The following TBC1D1 variants were observed in gnomAD, a reference collection of about 807,000 sequenced individuals.
TBC1D1 encodes the protein TBC1 (tre-2/USP6, BUB2, cdc16) domain family, member 1.
TBC1D1 carries 89 observed loss-of-function variants against 125.6 expected under a neutral mutation model. The ratio of observed to expected loss-of-function variants is 0.71; its 90% CI spans 0.60 to 0.85. The LOEUF is 0.85. Among genes scored for constraint, TBC1D1 ranks in the 40% least tolerant of loss-of-function variants. TBC1D1 has a pLI of 0.00. For missense variants in TBC1D1, 1,377 were observed against 1,469.2 expected (o/e 0.94, Z 1.03); for synonymous variants, 565 against 564.1 (o/e 1.00, Z -0.02).
intron 2 of TBC1D1, chr4:37,960,603 C>T: frequency 6.2e-7 from 1 of 1,613,782 alleles, no homozygotes; most frequent in Non-Finnish European, 8.5e-7. Flanking sequence ...ATCAGCCTTA[C>T]CTAAAGCTAC....
At chr4:38,126,836 C>T (rs1465728957) in intron 18 of TBC1D1, among the ~76,000 whole-genome samples, 1 of 152,132 alleles carries the variant, frequency 6.6e-6, no homozygotes, top group African/African-American at 2.4e-5. Flanking sequence ...AAACTCAAGT[C>T]CCTCCCACCT....
At chr4:37,899,789 C>A (rs929964142) in intron 1 of TBC1D1, among the ~76,000 whole-genome samples, 1 of 152,182 alleles carries the variant, frequency 6.6e-6, no homozygotes, top group Non-Finnish European at 1.5e-5. Flanking sequence ...TGGAAAGAAA[C>A]AACCAGAAAG....
chr4:38,075,913 T>C (rs1041070762), intron 12 of TBC1D1, among the ~76,000 whole-genome samples: 5 of 152,222 alleles, frequency 3.3e-5, no homozygotes, highest in African/African-American at 1.2e-4. Context: ...TTTTTTTCCC[T>C]TGGTCACATG....
intron 2 of TBC1D1, among the ~76,000 whole-genome samples, chr4:37,956,387 AG>A (rs1728939396): frequency 6.6e-6 from 1 of 152,170 alleles, no homozygotes; most frequent in Admixed American, 6.5e-5. Flanking sequence ...TCTTTTCACT[AG>A]GATGTAAGTT....
At chr4:37,968,674 A>T (rs1731491847) in intron 2 of TBC1D1, among the ~76,000 whole-genome samples, 1 of 152,214 alleles carries the variant, frequency 6.6e-6, no homozygotes, top group Non-Finnish European at 1.5e-5. Context: ...TGCTCTGAAG[A>T]CGGTCTTCAA....
chr4:38,095,133 CA>C (rs1341373985), intron 13 of TBC1D1, among the ~76,000 whole-genome samples: 1 of 152,002 alleles, frequency 6.6e-6, no homozygotes, highest in Admixed American at 6.6e-5. Flanking sequence ...GATGGAAAAC[CA>C]TAAAAGCTGA....
At chr4:38,121,653 A>T (rs981120390) in intron 17 of TBC1D1, among the ~76,000 whole-genome samples, 1 of 152,190 alleles carries the variant, frequency 6.6e-6, no homozygotes, top group East Asian at 1.9e-4. Context: ...AGGTTTTCAA[A>T]TGCAGGACAT....
chr4:37,960,869 T>C (rs1226644591), intron 2 of TBC1D1: 2 of 1,614,154 alleles, frequency 1.2e-6, no homozygotes, highest in South Asian at 2.2e-5. Flanking sequence ...GTGGAGTGCC[T>C]CTCATGATCC....
chr4:38,065,742 T>C (rs1753616015), intron 12 of TBC1D1, among the ~76,000 whole-genome samples: 1 of 149,784 alleles, frequency 6.7e-6, no homozygotes, highest in Non-Finnish European at 1.5e-5. Flanking sequence ...ACCTCCCAGG[T>C]TCAAGCTATT....
chr4:38,073,632 A>G (rs16994179), intron 12 of TBC1D1, among the ~76,000 whole-genome samples: 14,250 of 152,138 alleles, frequency 0.094, 1,651 homozygotes, highest in African/African-American at 0.28. Flanking sequence ...AACTTAAATC[A>G]TGGCCCTTCC....
intron 2 of TBC1D1, among the ~76,000 whole-genome samples, chr4:37,923,933 G>A (rs1164451666): frequency 6.6e-6 from 1 of 152,062 alleles, no homozygotes; most frequent in Non-Finnish European, 1.5e-5. Flanking sequence ...ACCCACCTAG[G>A]CCTCCGAAAG....
At chr4:38,083,374 G>A (rs115322761) in intron 12 of TBC1D1, among the ~76,000 whole-genome samples, 8 of 152,320 alleles carry the variant, frequency 5.3e-5, no homozygotes, top group Non-Finnish European at 8.8e-5. Flanking sequence ...GTCATTATCA[G>A]TGATGAGTTA....
At position 37,902,485 on chromosome 4, in the gene TBC1D1, T is replaced by C; in HGVS notation, c.390T>C (p.Tyr130=). ...CTGTCCACCGGCAGAGTATCTGCTA[T>C]GTGTTCAAAGCCGATGATCAAACAA... Residue 130 remains tyrosine, a synonymous_variant, in exon 2 of 20, where the codon TAT becomes TAC. Coordinates refer to ENST00000261439, the MANE Select transcript of TBC1D1 (RefSeq NM_015173.4). 1.2e-6 allele frequency: 2 copies of C among 1,611,660 alleles called. No individual in the cohort carries two copies. Among genetic ancestry groups the C allele is most frequent in the South Asian group, 1.1e-5 (1 of 90,672 alleles).
chr4:38,021,752 T>G, intron 6 of TBC1D1, 34 bp downstream of exon 6: 5 of 1,492,234 alleles, frequency 3.4e-6, no homozygotes, highest in Non-Finnish European at 3.6e-6. Context: ...ATGAACACAG[T>G]GGGAGTTAAA....
chr4:37,931,131 C>G (rs1723166965), intron 2 of TBC1D1, among the ~76,000 whole-genome samples: 1 of 151,768 alleles, frequency 6.6e-6, no homozygotes, highest in African/African-American at 2.4e-5. Flanking sequence ...GAGATGGAGT[C>G]TCACTCTGTC....
rs2152654797 is a variant in TBC1D1, at chr4:38,138,182, G to A, written c.*847G>A. The A allele has an allele frequency of 6.6e-6, 1 of 152,232 alleles. No homozygotes were observed. Among genetic ancestry groups the A allele is most frequent in the African/African-American group, 2.4e-5 (1 of 41,526 alleles). The allele number at this position is 152,232 out of a possible 1,614,324, so 9.4% of individuals were successfully genotyped here. ...CATTTTTGCTTATCCCATAAGTACA[G>A]TTGATCAAAGTCATAGTAGGTAAAT... On this transcript the variant is annotated 3_prime_UTR_variant, in exon 20 of 20. Transcript: ENST00000261439.
intron 18 of TBC1D1, among the ~76,000 whole-genome samples, chr4:38,131,837 A>G (rs1235355675): frequency 6.6e-6 from 1 of 152,200 alleles, no homozygotes; most frequent in Non-Finnish European, 1.5e-5. Context: ...CCCCTCGCAC[A>G]CATGCACACA....
chr4:38,052,714 G>A lies in TBC1D1; in HGVS notation c.1911-1485G>A, dbSNP rs946478568. On this transcript the variant is annotated intron_variant, in intron 11 of 19. Transcript: ENST00000261439. ...CATGCATGCGTATATACACACACAC[G>A]CGCGCGCGCGCGCGCACACACACAC... is the stretch of plus-strand genomic sequence containing the variant. Among the ~76,000 whole-genome samples, 133 of 42,576 alleles carry A rather than the reference G, an allele frequency of 3.1e-3. No homozygotes were observed. In the East Asian group the frequency reaches 0.066, roughly 21 times the overall value. 27.9% of individuals were successfully genotyped at this position (42,576 alleles called of 152,430 possible).
chr4:38,075,807 G>T (rs1456805657), intron 12 of TBC1D1, among the ~76,000 whole-genome samples: 1 of 152,196 alleles, frequency 6.6e-6, no homozygotes. Flanking sequence ...CTTCAGGACA[G>T]CTGTGCAAGC....
Sources: gnomAD v4.1 joint callset for allele counts (sites outside exome capture counted in the v4.1 genomes callset) on GRCh38, gnomAD v4.1.1 for gene constraint, MANE v1.5 for transcripts, NCBI Gene and HGNC (gene_info 2026-07-23, HGNC 2026-07-21) for gene names.